The following DAB1 variants were observed in gnomAD, a reference collection of about 807,000 sequenced individuals.
DAB1 encodes the protein DAB adaptor protein 1, also known as disabled homolog 1.
DAB1 carries 15 observed loss-of-function variants against 64.6 expected under a neutral mutation model. That is an observed-to-expected ratio of 0.23 (90% CI 0.16 to 0.36). The LOEUF is 0.36. Among genes scored for constraint, DAB1 ranks in the 10% least tolerant of loss-of-function variants. The pLI, the probability that DAB1 is intolerant of heterozygous loss-of-function variation, is 1.00. For synonymous variants in DAB1, 235 were observed against 251.9 expected (o/e 0.93, Z 0.64); for missense variants, 596 against 706.7 (o/e 0.84, Z 1.78).
intron 7 of DAB1, among the ~76,000 whole-genome samples, chr1:57,447,549 G>A (rs1686188410): frequency 6.6e-6 from 1 of 152,108 alleles, no homozygotes; most frequent in Admixed American, 6.6e-5. Flanking sequence ...CTCCTTCTGT[G>A]GGCTTTATTT....
intron 2 of DAB1, among the ~76,000 whole-genome samples, chr1:57,152,541 A>T (rs925099630): frequency 1.3e-5 from 2 of 152,244 alleles, no homozygotes; most frequent in East Asian, 3.8e-4. Context: ...CTGGAAAGAA[A>T]GAAGGAAAGA....
intron 1 of DAB1, among the ~76,000 whole-genome samples, chr1:57,838,741 G>T (rs1420834557): frequency 6.6e-6 from 1 of 150,422 alleles, no homozygotes; most frequent in Non-Finnish European, 1.5e-5. Flanking sequence ...ACTTACTTAG[G>T]TAAACATAAC....
At chr1:58,514,358 A>G (rs1019440499) in intron 2 of DAB1, among the ~76,000 whole-genome samples, 5 of 152,192 alleles carry the variant, frequency 3.3e-5, no homozygotes, top group African/African-American at 1.2e-4. Context: ...ATACTAGAGA[A>G]ATATGTATAA....
chr1:57,116,758 A>G (rs544009088), intron 4 of DAB1, among the ~76,000 whole-genome samples: 106 of 152,298 alleles, frequency 7.0e-4, no homozygotes, highest in Non-Finnish European at 1.2e-3. Context: ...TACCAGATTT[A>G]CCTTGAATCT....
chr1:57,011,842 C>T (rs191383968), intron 12 of DAB1, among the ~76,000 whole-genome samples: 1 of 152,306 alleles, frequency 6.6e-6, no homozygotes, highest in East Asian at 1.9e-4. Context: ...CTAATTTGCT[C>T]ATGGCAACTG....
intron 1 of DAB1, among the ~76,000 whole-genome samples, chr1:57,844,577 A>G (rs575824451): frequency 6.6e-6 from 1 of 152,224 alleles, no homozygotes; most frequent in African/African-American, 2.4e-5. Flanking sequence ...TCTGCCCACC[A>G]TATCACTTAT....
intron 2 of DAB1, among the ~76,000 whole-genome samples, chr1:57,153,289 G>A (rs929053185): frequency 2.0e-4 from 30 of 152,202 alleles, no homozygotes; most frequent in Non-Finnish European, 4.3e-4. Flanking sequence ...GCCTCCCTGA[G>A]TGCTGGGATT....
At chr1:58,431,957 G>T (rs1046726968) in intron 3 of DAB1, among the ~76,000 whole-genome samples, 3 of 152,226 alleles carry the variant, frequency 2.0e-5, no homozygotes, top group Non-Finnish European at 4.4e-5. Flanking sequence ...GTGGCCTGAG[G>T]ATGGGTGTGA....
intron 7 of DAB1, among the ~76,000 whole-genome samples, chr1:57,553,426 G>GCA (rs1644942301): frequency 5.5e-5 from 1 of 18,164 alleles, no homozygotes; most frequent in Non-Finnish European, 2.7e-4. Context: ...AAGAAAGAAA[G>GCA]AAAGAAAGAA....
intron 3 of DAB1, among the ~76,000 whole-genome samples, chr1:58,410,234 G>A (rs370257624): frequency 2.0e-5 from 3 of 152,312 alleles, no homozygotes; most frequent in African/African-American, 7.2e-5. Flanking sequence ...TCATATATAA[G>A]ATCTTTAAGG....
intron 4 of DAB1, among the ~76,000 whole-genome samples, chr1:57,090,908 C>T (rs1306201705): frequency 6.6e-6 from 1 of 152,098 alleles, no homozygotes; most frequent in Non-Finnish European, 1.5e-5. Context: ...CATAGGAGCG[C>T]GAACCCTATT....
intron 2 of DAB1, among the ~76,000 whole-genome samples, chr1:57,170,831 C>A (rs551505513): frequency 6.6e-6 from 1 of 152,096 alleles, no homozygotes; most frequent in African/African-American, 2.4e-5. Context: ...CTCTTGCTCG[C>A]GGTATCTGCG....
chr1:57,845,421 T>C (rs1410716301), intron 1 of DAB1, among the ~76,000 whole-genome samples: 4 of 152,176 alleles, frequency 2.6e-5, no homozygotes, highest in Non-Finnish European at 4.4e-5. Flanking sequence ...TCTGGTAGTC[T>C]TGCAGATATG....
chr1:58,283,009 C>T (rs1488312050), intron 4 of DAB1, among the ~76,000 whole-genome samples: 1 of 152,064 alleles, frequency 6.6e-6, no homozygotes, highest in Non-Finnish European at 1.5e-5. Context: ...CCCCCCACCC[C>T]AATTGCCTTT....
chr1:57,109,269 T>C (rs955654869), intron 4 of DAB1, among the ~76,000 whole-genome samples: 2 of 152,220 alleles, frequency 1.3e-5, no homozygotes, highest in African/African-American at 4.8e-5. Flanking sequence ...CCTCTTCTCC[T>C]CTAGTTCATG....
chr1:58,052,028 T>G (rs996312364), intron 5 of DAB1, among the ~76,000 whole-genome samples: 6 of 152,242 alleles, frequency 3.9e-5, no homozygotes, highest in African/African-American at 1.2e-4. Context: ...TCTTTTGCCG[T>G]GCAGAAGCTC....
intron 1 of DAB1, among the ~76,000 whole-genome samples, chr1:57,391,776 C>A (rs567916): frequency 0.051 from 2,751 of 53,882 alleles, 37 homozygotes; most frequent in African/African-American, 0.11. Flanking sequence ...AACACACACA[C>A]ACACACACAC....
At chr1:57,321,311 A>T (rs1427911048) in intron 1 of DAB1, among the ~76,000 whole-genome samples, 2 of 152,002 alleles carry the variant, frequency 1.3e-5, no homozygotes, top group Non-Finnish European at 2.9e-5. Flanking sequence ...AGAAAGCAGG[A>T]CTCACATCTA....
intron 4 of DAB1, among the ~76,000 whole-genome samples, chr1:58,298,777 G>A (rs1288184095): frequency 1.3e-5 from 2 of 152,184 alleles, no homozygotes; most frequent in African/African-American, 4.8e-5. Flanking sequence ...TCAATGCCTT[G>A]CATCACTGTC....
Sources: gnomAD v4.1 joint callset for allele counts (sites outside exome capture counted in the v4.1 genomes callset) on GRCh38, gnomAD v4.1.1 for gene constraint, MANE v1.5 for transcripts, NCBI Gene and HGNC (gene_info 2026-07-23, HGNC 2026-07-21) for gene names.